The following SIPA1L1 variants were observed in gnomAD, a reference collection of about 807,000 sequenced individuals.
SIPA1L1 encodes the protein signal-induced proliferation-associated 1-like protein 1.
A neutral mutation model predicts 162.7 loss-of-function variants in SIPA1L1; 26 were observed. The observed-to-expected ratio is 0.16, with a 90% CI of 0.12 to 0.22. SIPA1L1 has a LOEUF of 0.22. SIPA1L1 is among the 10% of genes least tolerant of loss of function. The pLI, the probability that SIPA1L1 is intolerant of heterozygous loss-of-function variation, is 1.00. For missense variants in SIPA1L1, 1,874 were observed against 2,241.0 expected (o/e 0.84, Z 3.31); for synonymous variants, 829 against 837.4 (o/e 0.99, Z 0.17).
At chr14:71,601,417 A>G (rs1417109284) in intron 5 of SIPA1L1, among the ~76,000 whole-genome samples, 1 of 152,150 alleles carries the variant, frequency 6.6e-6, no homozygotes, top group Non-Finnish European at 1.5e-5. Flanking sequence ...ATTTTGAACC[A>G]TCTTTGCATC....
intron 2 of SIPA1L1, among the ~76,000 whole-genome samples, chr14:71,361,011 T>TTA (rs2037757983): frequency 1.3e-5 from 2 of 152,170 alleles, no homozygotes; most frequent in South Asian, 4.1e-4. Flanking sequence ...TATATATAGT[T>TTA]TATATATATT....
At chr14:71,452,729 G>A (rs1302043556) in intron 2 of SIPA1L1, among the ~76,000 whole-genome samples, 1 of 152,180 alleles carries the variant, frequency 6.6e-6, no homozygotes, top group Non-Finnish European at 1.5e-5. Flanking sequence ...AGCCATTCTG[G>A]TGGGTATGAA....
At chr14:71,373,139 A>G (rs748544675) in intron 2 of SIPA1L1, among the ~76,000 whole-genome samples, 1 of 151,588 alleles carries the variant, frequency 6.6e-6, no homozygotes, top group Non-Finnish European at 1.5e-5. Flanking sequence ...GTGAAACCCC[A>G]TGTCTACTAA....
At chr14:71,631,168 G>T (rs1259434943) in intron 7 of SIPA1L1, among the ~76,000 whole-genome samples, 2 of 151,948 alleles carry the variant, frequency 1.3e-5, no homozygotes, top group African/African-American at 2.4e-5. Context: ...ATGGTTTCCA[G>T]CTTCATCCAT....
chr14:71,426,057 T>G (rs1169520493), intron 2 of SIPA1L1, among the ~76,000 whole-genome samples: 1 of 152,184 alleles, frequency 6.6e-6, no homozygotes, highest in Non-Finnish European at 1.5e-5. Context: ...GTTTTATTAC[T>G]GCACTTAGAA....
At chr14:71,574,942 T>A (rs1303565226) in intron 4 of SIPA1L1, 2 of 152,054 alleles carry the variant, frequency 1.3e-5, no homozygotes, top group South Asian at 2.1e-4. Flanking sequence ...GCATAGTTTT[T>A]AAAAAAAACT....
intron 17 of SIPA1L1, among the ~76,000 whole-genome samples, chr14:71,719,029 C>T (rs1029470329): frequency 2.0e-5 from 3 of 151,990 alleles, no homozygotes; most frequent in Admixed American, 1.3e-4. Context: ...GCCTCAACTT[C>T]CTGAGCTCAA....
At chr14:71,354,225 C>T (rs368360131) in intron 2 of SIPA1L1, among the ~76,000 whole-genome samples, 10 of 150,652 alleles carry the variant, frequency 6.6e-5, no homozygotes, top group South Asian at 2.1e-4. Context: ...ACATGATAAA[C>T]GAAAAATTAA....
intron 3 of SIPA1L1, among the ~76,000 whole-genome samples, chr14:71,523,757 A>G (rs1238951383): frequency 6.6e-6 from 1 of 152,136 alleles, no homozygotes; most frequent in East Asian, 1.9e-4. Context: ...ACATTCAGTT[A>G]TTTATTTTTT....
At chr14:71,519,828 T>C (rs61989386) in intron 3 of SIPA1L1, among the ~76,000 whole-genome samples, 28,067 of 151,368 alleles carry the variant, frequency 0.19, 3,095 homozygotes, top group Middle Eastern at 0.36. Flanking sequence ...TAGTCTCTTA[T>C]GGAAAAAAAA....
intron 3 of SIPA1L1, among the ~76,000 whole-genome samples, chr14:71,515,260 C>T (rs1396880375): frequency 6.6e-6 from 1 of 152,198 alleles, no homozygotes; most frequent in African/African-American, 2.4e-5. Context: ...ATGGAGAATT[C>T]GTGTAGCAAA....
At chr14:71,356,511 A>T (rs2140754563) in intron 2 of SIPA1L1, among the ~76,000 whole-genome samples, 1 of 145,078 alleles carries the variant, frequency 6.9e-6, no homozygotes, top group African/African-American at 2.6e-5. Flanking sequence ...CAGGAGGGTT[A>T]CTTAAGGCCA....
At chr14:71,686,991 A>G (rs190549041) in intron 13 of SIPA1L1, among the ~76,000 whole-genome samples, 1 of 152,256 alleles carries the variant, frequency 6.6e-6, no homozygotes, top group Non-Finnish European at 1.5e-5. Context: ...GAGAGCAGGA[A>G]GATTTAGAAA....
intron 13 of SIPA1L1, among the ~76,000 whole-genome samples, chr14:71,698,489 C>G (rs947947010): frequency 1.3e-5 from 2 of 152,076 alleles, no homozygotes; most frequent in Non-Finnish European, 2.9e-5. Flanking sequence ...ATTATAAATA[C>G]TAAATAGCAA....
intron 5 of SIPA1L1, among the ~76,000 whole-genome samples, chr14:71,591,660 T>G (rs1427802380): frequency 6.6e-6 from 1 of 152,218 alleles, no homozygotes; most frequent in East Asian, 1.9e-4. Flanking sequence ...TTATTATCAT[T>G]AACACATATA....
chr14:71,593,790 GGCATTTGTT>G (rs2147792180), intron 5 of SIPA1L1, among the ~76,000 whole-genome samples: 3 of 152,164 alleles, frequency 2.0e-5, no homozygotes, highest in Non-Finnish European at 4.4e-5. Context: ...TCTTGGCAGT[GGCATTTGTT>G]GCTCCACTGA....
chr14:71,435,633 C>T (rs1595448973), intron 2 of SIPA1L1, among the ~76,000 whole-genome samples: 1 of 152,170 alleles, frequency 6.6e-6, no homozygotes, highest in African/African-American at 2.4e-5. Flanking sequence ...CCGCAATAAA[C>T]ATACGTGTGC....
chr14:71,563,642 T>C (rs962495719), intron 4 of SIPA1L1, among the ~76,000 whole-genome samples: 1 of 152,248 alleles, frequency 6.6e-6, no homozygotes, highest in Admixed American at 6.5e-5. Context: ...CTATTATTAT[T>C]CTGTACTACC....
At chr14:71,705,520 A>G (rs571373654) in intron 16 of SIPA1L1, among the ~76,000 whole-genome samples, 180 bp downstream of exon 16, 1 of 152,176 alleles carries the variant, frequency 6.6e-6, no homozygotes, top group South Asian at 2.1e-4. Context: ...TTGCTTTGAG[A>G]TAAATTGTAA....
Sources: allele counts gnomAD v4.1 joint callset (sites outside exome capture counted in the v4.1 genomes callset), GRCh38; gene constraint gnomAD v4.1.1; transcripts MANE v1.5; gene names NCBI Gene and HGNC (gene_info 2026-07-23, HGNC 2026-07-21).